The following CUBN variants were observed in gnomAD, a reference collection of about 807,000 sequenced individuals.
CUBN encodes 460 kDa receptor.
CUBN carries 282 observed loss-of-function variants against 405.3 expected under a neutral mutation model. The ratio of observed to expected loss-of-function variants is 0.70; its 90% confidence interval spans 0.63 to 0.77. The LOEUF is 0.77. CUBN is among the 30% of genes least tolerant of loss of function. CUBN has a pLI of 0.00. For missense variants in CUBN, 4,514 were observed against 4,475.2 expected (o/e 1.01, Z -0.25); for synonymous variants, 1,684 against 1,617.0 (o/e 1.04, Z -0.99).
At chr10:16,915,195 T>C in intron 46 of CUBN, 23 bp from the exon 47 acceptor site, 2 of 1,613,032 alleles carry the variant, frequency 1.2e-6, no homozygotes, top group Non-Finnish European at 1.7e-6. Flanking sequence ...AATAATTAAA[T>C]ATACATGTCC....
chr10:17,048,281 G>C (rs1835184787), intron 22 of CUBN, among the ~76,000 whole-genome samples: 1 of 152,218 alleles, frequency 6.6e-6, no homozygotes, highest in South Asian at 2.1e-4. Context: ...GAAGACATTA[G>C]GTCATTTATA....
At chr10:16,917,551 C>A (rs888663784) in intron 45 of CUBN, among the ~76,000 whole-genome samples, 3 of 151,874 alleles carry the variant, frequency 2.0e-5, no homozygotes, top group Non-Finnish European at 4.4e-5. Flanking sequence ...CTCTGTTTAC[C>A]AAGGGCATTG....
rs562129875 is a variant in CUBN, at chr10:16,948,873, G to T, written c.5081-267C>A. On this transcript the variant is annotated intron_variant, in intron 34 of 66. Coordinates refer to ENST00000377833, the MANE Select transcript of CUBN (RefSeq NM_001081.4). ...AGAGGAAAAACTTAGATGACCAAGG[G>T]ACACATGTACCTAAAGCAAAAATCT... Among the ~76,000 whole-genome samples the T allele has an allele frequency of 1.4e-4, 22 of 152,154 alleles. No homozygotes were observed. The East Asian group carries it at 4.3e-3, about 29-fold the overall frequency.
At chr10:17,027,421 A>G (rs1226469969) in intron 27 of CUBN, among the ~76,000 whole-genome samples, 2 of 152,186 alleles carry the variant, frequency 1.3e-5, no homozygotes, top group Non-Finnish European at 2.9e-5. Context: ...TCTCCTTCGA[A>G]TATTAAAATA....
chr10:17,081,804 TG>T (rs1835976155), intron 17 of CUBN, among the ~76,000 whole-genome samples: 1 of 152,230 alleles, frequency 6.6e-6, no homozygotes, highest in African/African-American at 2.4e-5. Context: ...TTGACCTTTG[TG>T]AGCCTCAATT....
intron 27 of CUBN, among the ~76,000 whole-genome samples, chr10:17,038,689 G>C (rs997964443): frequency 3.9e-5 from 6 of 152,320 alleles, no homozygotes; most frequent in Admixed American, 2.0e-4. Context: ...GTGTGTGTGA[G>C]TTTTCTCTCT....
In CUBN at chr10:16,884,110, GCTGGGA is replaced by G. The variant is rs1337381017; in HGVS notation, c.8905+4301_8905+4306del. Among the ~76,000 whole-genome samples, 4 of 152,174 alleles carry G rather than the reference GCTGGGA, an allele frequency of 2.6e-5. No homozygotes were observed. In the East Asian group the frequency reaches 7.7e-4, roughly 29 times the overall value. ...TTCTCCTGCTTCAGCTTCCCGAGTAGCTGGGACTACAGGGGCCCGCCACCACGCCCG... is the reference window on the plus strand; with the variant it reads ...TTCTCCTGCTTCAGCTTCCCGAGTAGCTACAGGGGCCCGCCACCACGCCCG... On this transcript the variant is annotated intron_variant, in intron 56 of 66. Coordinates refer to ENST00000377833, the MANE Select transcript of CUBN (RefSeq NM_001081.4).
chr10:17,086,623 C>T (rs1836116210), intron 15 of CUBN, among the ~76,000 whole-genome samples: 1 of 152,114 alleles, frequency 6.6e-6, no homozygotes, highest in African/African-American at 2.4e-5. Flanking sequence ...ATGATGTAAT[C>T]ATGTCAATCT....
intron 4 of CUBN, among the ~76,000 whole-genome samples, chr10:17,124,661 C>T (rs1477396738): frequency 6.6e-6 from 1 of 152,086 alleles, no homozygotes; most frequent in South Asian, 2.1e-4. Context: ...ATCTCCTGAC[C>T]TCGTGATCCG....
chr10:16,949,444 TGTGTGTGTGTGTGTGTGTGTA>T (rs1199366467), intron 34 of CUBN, among the ~76,000 whole-genome samples: 1 of 106,240 alleles, frequency 9.4e-6, no homozygotes, highest in Non-Finnish European at 2.1e-5. Context: ...GGTGTGTGTG[TGTGTGTGTGTGTGTGTGTGTA>T]GTGTGTGTGT....
chr10:16,990,051 G>T (rs757654235), intron 29 of CUBN, among the ~76,000 whole-genome samples: 1 of 152,204 alleles, frequency 6.6e-6, no homozygotes, highest in African/African-American at 2.4e-5. Flanking sequence ...TCCCTCTGCT[G>T]GTTCCCCCTC....
At chr10:16,902,397 G>T (rs894137223) in intron 51 of CUBN, among the ~76,000 whole-genome samples, 1 of 147,508 alleles carries the variant, frequency 6.8e-6, no homozygotes, top group Non-Finnish European at 1.5e-5. Context: ...AAATTAAATA[G>T]AAGAAAAGTA....
At chr10:16,840,616 T>C in intron 61 of CUBN, 81 bp from the exon 62 acceptor site, 2 of 1,178,888 alleles carry the variant, frequency 1.7e-6, no homozygotes, top group Non-Finnish European at 2.5e-6. Context: ...CTGTCTTCCC[T>C]GCCTCCCACC....
At chr10:17,070,377 G>A (rs558446652) in intron 19 of CUBN, among the ~76,000 whole-genome samples, 12 of 152,072 alleles carry the variant, frequency 7.9e-5, no homozygotes, top group Middle Eastern at 3.4e-3. Context: ...TGAATTTTAC[G>A]ATCAGCTTAT....
chr10:17,099,400 G>T (rs1293255990), intron 14 of CUBN, among the ~76,000 whole-genome samples: 3 of 152,150 alleles, frequency 2.0e-5, no homozygotes, highest in Non-Finnish European at 4.4e-5. Context: ...CAATATTCCT[G>T]CAGTAAACTA....
intron 13 of CUBN, among the ~76,000 whole-genome samples, chr10:17,102,368 C>CCT (rs946156765): frequency 3.3e-5 from 5 of 151,370 alleles, no homozygotes; most frequent in Admixed American, 2.0e-4. Flanking sequence ...CTCACTGGAA[C>CCT]CTCTGCCTCC....
intron 31 of CUBN, among the ~76,000 whole-genome samples, chr10:16,959,154 C>A (rs1337323728): frequency 6.6e-6 from 1 of 152,148 alleles, no homozygotes; most frequent in Admixed American, 6.6e-5. Flanking sequence ...ATTAAGCTTC[C>A]AGCACATGAA....
At chr10:17,019,431 C>T (rs929754398) in intron 28 of CUBN, among the ~76,000 whole-genome samples, 1 of 152,084 alleles carries the variant, frequency 6.6e-6, no homozygotes, top group Non-Finnish European at 1.5e-5. Flanking sequence ...TCTATCCCTA[C>T]CCTTTCTCTG....
At chr10:17,042,230 T>G (rs1835036412) in intron 26 of CUBN, among the ~76,000 whole-genome samples, 1 of 152,174 alleles carries the variant, frequency 6.6e-6, no homozygotes, top group Admixed American at 6.5e-5. Context: ...GGTCACAGTT[T>G]TGTCCATAAA....
Sources: gnomAD v4.1 joint callset for allele counts (sites outside exome capture counted in the v4.1 genomes callset) on GRCh38, gnomAD v4.1.1 for gene constraint, MANE v1.5 for transcripts, NCBI Gene and HGNC (gene_info 2026-07-23, HGNC 2026-07-21) for gene names.